Variants in RRBP1 observed in about 807,000 individuals in gnomAD.
RRBP1 encodes the protein ribosome binding protein 1.
Under a neutral mutation model 165.2 loss-of-function variants are expected in RRBP1, and 94 were observed. The ratio of observed to expected loss-of-function variants is 0.57; its 90% CI spans 0.48 to 0.68. The LOEUF is 0.68. RRBP1 is among the 30% of genes least tolerant of loss of function. The probability of loss-of-function intolerance (pLI) is 0.00; values close to 1 mark genes in which losing one functional copy is unlikely to be tolerated. For missense variants in RRBP1, 1,676 were observed against 1,763.0 expected (o/e 0.95, Z 0.88); for synonymous variants, 680 against 714.5 (o/e 0.95, Z 0.77).
At position 17,639,995 on chromosome 20, in the gene RRBP1, C is replaced by T. The variant is rs542141136; in HGVS notation, c.2184+1802G>A. Among the ~76,000 whole-genome samples, 146 of 152,068 alleles carry T rather than the reference C, an allele frequency of 9.6e-4. 1 individual carries two copies. The highest frequency in any genetic ancestry group is 1.7e-3 in the Non-Finnish European group (115 of 68,008). On this transcript the variant is annotated intron_variant, in intron 5 of 24. Coordinates refer to ENST00000377813, the MANE Select transcript of RRBP1 (RefSeq NM_001365613.2). ...AGGGAAGAGAAACGGCCAAAGGCAT[C>T]GACTACAAACATTTAACTATTTACA...
chr20:17,680,879 C>A (rs1282679443), intron 1 of RRBP1, among the ~76,000 whole-genome samples: 1 of 152,134 alleles, frequency 6.6e-6, no homozygotes, highest in African/African-American at 2.4e-5. Flanking sequence ...GCTTTCCTCG[C>A]AAATCGAAGC....
chr20:17,653,677 T>C (rs183875005), intron 3 of RRBP1, among the ~76,000 whole-genome samples: 179 of 151,974 alleles, frequency 1.2e-3, no homozygotes, highest in Non-Finnish European at 2.1e-3. Flanking sequence ...CTACTAAAAA[T>C]ACAAAAATCA....
intron 2 of RRBP1, 58 bp from the exon 3 acceptor site, chr20:17,660,586 AT>A: frequency 9.8e-7 from 1 of 1,016,318 alleles, no homozygotes; most frequent in Admixed American, 2.3e-5. Context: ...AACAGTTTCT[AT>A]CCCCACCCTA....
intron 3 of RRBP1, among the ~76,000 whole-genome samples, chr20:17,655,784 T>C (rs1296401886): frequency 6.6e-6 from 1 of 152,262 alleles, no homozygotes; most frequent in African/African-American, 2.4e-5. Flanking sequence ...TTTAAAAATA[T>C]ACATTATATA....
chr20:17,663,109 G>A (rs780978555), intron 2 of RRBP1, among the ~76,000 whole-genome samples: 8 of 152,150 alleles, frequency 5.3e-5, no homozygotes, highest in Non-Finnish European at 8.8e-5. Flanking sequence ...CATAAACCCC[G>A]AATCGTTTCC....
At chr20:17,650,631 C>T (rs1380363246) in intron 3 of RRBP1, among the ~76,000 whole-genome samples, 1 of 152,228 alleles carries the variant, frequency 6.6e-6, no homozygotes, top group Non-Finnish European at 1.5e-5. Context: ...CAACCAGCAG[C>T]AACAATGAGT....
chr20:17,678,109 C>A (rs1231082008), intron 2 of RRBP1, among the ~76,000 whole-genome samples: 7 of 152,228 alleles, frequency 4.6e-5, no homozygotes, highest in Non-Finnish European at 8.8e-5. Context: ...ACATAAAGGA[C>A]ACACACGTCT....
At chr20:17,656,170 A>T (rs1224179966) in intron 3 of RRBP1, among the ~76,000 whole-genome samples, 1 of 152,244 alleles carries the variant, frequency 6.6e-6, no homozygotes, top group Non-Finnish European at 1.5e-5. Flanking sequence ...AAGAAACGAA[A>T]ATAGAAAGTC....
chr20:17,647,162 T>G (rs2036479782), intron 3 of RRBP1, among the ~76,000 whole-genome samples: 1 of 152,190 alleles, frequency 6.6e-6, no homozygotes, highest in Non-Finnish European at 1.5e-5. Flanking sequence ...AGACACAAAG[T>G]ATGTACCACC....
intron 2 of RRBP1, among the ~76,000 whole-genome samples, chr20:17,671,352 C>T (rs1428896483): frequency 1.3e-5 from 2 of 152,210 alleles, no homozygotes; most frequent in Non-Finnish European, 2.9e-5. Context: ...GGACTATTCT[C>T]TTTCGTTTGA....
At chr20:17,674,907 T>C (rs1568792126) in intron 2 of RRBP1, among the ~76,000 whole-genome samples, 1 of 152,228 alleles carries the variant, frequency 6.6e-6, no homozygotes, top group South Asian at 2.1e-4. Context: ...AAATGCTCAG[T>C]GACTCTGCAA....
rs201815736 is a variant in RRBP1, at chr20:17,658,752, G to C, written c.1756C>G (p.Gln586Glu). 2 of 1,612,726 alleles carry C rather than the reference G, an allele frequency of 1.2e-6. No homozygotes were observed. The highest frequency in any genetic ancestry group is 2.7e-5 in the African/African-American group (2 of 74,996). Residue 586 changes from glutamine (Q) to glutamate (E), a missense_variant, in exon 3 of 25, where the codon CAA becomes GAA. Transcript: ENST00000377813. ...GCAGCTGCGTCTGCCTTTTTGCCTT[G>C]GTTGGGGGACCCTTCTGCCTTTTTG... ...EGKKAEGSPN[Q>E]GKKADAAANQ...
intron 3 of RRBP1, among the ~76,000 whole-genome samples, chr20:17,650,760 C>T (rs549769619): frequency 1.3e-5 from 2 of 152,318 alleles, no homozygotes; most frequent in East Asian, 3.9e-4. Context: ...GACTTGATTC[C>T]AGGTGCTGGG....
At position 17,649,619 on chromosome 20, in the gene RRBP1, G is replaced by C. The variant is rs545900533; in HGVS notation, c.1913-6492C>G. 1.0e-3 allele frequency among the ~76,000 whole-genome samples: 152 copies of C among 152,092 alleles called. 1 individual carries two copies. The highest frequency in any genetic ancestry group is 3.1e-3 in the South Asian group (15 of 4,818). ...TGGGTGGGTGAGGAGCTGGGAGCAA[G>C]GGGTGTTCCCATCACGAAGTCAAAT... is the stretch of plus-strand genomic sequence containing the variant. On this transcript the variant is annotated intron_variant, in intron 3 of 24. Transcript: ENST00000377813.
intron 2 of RRBP1, among the ~76,000 whole-genome samples, chr20:17,673,557 T>C (rs1295678188): frequency 6.6e-6 from 1 of 152,188 alleles, no homozygotes; most frequent in Non-Finnish European, 1.5e-5. Context: ...TACAGGCATG[T>C]GCCACCATGT....
chr20:17,677,831 C>A (rs1260371575), intron 2 of RRBP1, among the ~76,000 whole-genome samples: 1 of 151,288 alleles, frequency 6.6e-6, no homozygotes, highest in East Asian at 1.9e-4. Context: ...AAGAGCGAAA[C>A]TTTGTCTCAA....
At chr20:17,630,003 G>A in intron 8 of RRBP1, 42 bp from the exon 9 acceptor site, 2 of 1,569,074 alleles carry the variant, frequency 1.3e-6, no homozygotes, top group Non-Finnish European at 1.7e-6. Context: ...GACGTGGAAG[G>A]ACCAGGCCCT....
chr20:17,655,042 T>C (rs893551389), intron 3 of RRBP1, among the ~76,000 whole-genome samples: 1 of 152,244 alleles, frequency 6.6e-6, no homozygotes, highest in Non-Finnish European at 1.5e-5. Flanking sequence ...AGGAAGGTTT[T>C]AATAGGAAAT....
At chr20:17,680,764 G>C (rs773004044) in intron 1 of RRBP1, among the ~76,000 whole-genome samples, 173 of 151,990 alleles carry the variant, frequency 1.1e-3, no homozygotes, top group Non-Finnish European at 2.0e-3. Context: ...CGCAGTGCCG[G>C]AGCCAGGCCC....
Sources: gnomAD v4.1 joint callset for allele counts (sites outside exome capture counted in the v4.1 genomes callset) on GRCh38, gnomAD v4.1.1 for gene constraint, MANE v1.5 for transcripts, NCBI Gene and HGNC (gene_info 2026-07-23, HGNC 2026-07-21) for gene names.